Variants in GMDS observed in about 807,000 individuals in gnomAD.
GMDS encodes GDP-mannose 4,6-dehydratase.
GMDS carries 20 observed loss-of-function variants against 49.9 expected under a neutral mutation model. The ratio of observed to expected loss-of-function variants is 0.40; its 90% confidence interval spans 0.28 to 0.58. The LOEUF is 0.58. GMDS is among the 20% of genes least tolerant of loss of function. The probability of loss-of-function intolerance (pLI) is 0.42; values close to 1 mark genes in which losing one functional copy is unlikely to be tolerated. For missense variants in GMDS, 362 were observed against 481.4 expected, an observed-to-expected ratio of 0.75 and a Z score of 2.32; for synonymous variants, 177 against 178.6, an observed-to-expected ratio of 0.99 and a Z score of 0.07.
intron 7 of GMDS, among the ~76,000 whole-genome samples, chr6:1,842,223 T>G (rs1392780988): frequency 2.6e-5 from 4 of 152,248 alleles, no homozygotes; most frequent in African/African-American, 9.6e-5. Flanking sequence ...AAAAGTCTTC[T>G]GTAGTGGCTT....
chr6:1,871,914 A>C (rs759624718), intron 7 of GMDS, among the ~76,000 whole-genome samples: 6 of 152,262 alleles, frequency 3.9e-5, no homozygotes, highest in Non-Finnish European at 8.8e-5. Context: ...CAGCCAGCCC[A>C]GATGTGCTGG....
intron 1 of GMDS, among the ~76,000 whole-genome samples, chr6:2,228,238 T>C (rs1351468346): frequency 1.3e-5 from 2 of 152,160 alleles, no homozygotes; most frequent in Non-Finnish European, 2.9e-5. Context: ...TCTAAAAGGA[T>C]CCACTCACAG....
chr6:1,826,057 C>T (rs575274712), intron 7 of GMDS, among the ~76,000 whole-genome samples: 1 of 152,198 alleles, frequency 6.6e-6, no homozygotes, highest in South Asian at 2.1e-4. Context: ...TGTACAGGCA[C>T]TCACCATGAA....
rs901154852 is a variant in GMDS at position 2,191,079 on chromosome 6, A to G, written c.102+54242T>C. On this transcript the variant is annotated intron_variant, in intron 1 of 10. Coordinates refer to ENST00000380815, the MANE Select transcript of GMDS (RefSeq NM_001500.4). This position sits in a 1 kb window ranked among gnomAD's most constrained non-coding sequence, Gnocchi z 4.6. ...GGAGCAGTGCCCACTACAGGGACCC[A>G]GCCAGTGGTGCGGTCACCACGCCCA... 6.6e-6 allele frequency among the ~76,000 whole-genome samples: 1 copy of G among 152,068 alleles called. No individual in the cohort carries two copies. The highest frequency in any genetic ancestry group is 1.5e-5 in the Non-Finnish European group (1 of 67,964).
At chr6:2,203,558 T>G (rs1427868666) in intron 1 of GMDS, among the ~76,000 whole-genome samples, 1 of 152,198 alleles carries the variant, frequency 6.6e-6, no homozygotes, top group Non-Finnish European at 1.5e-5. Context: ...AATACTGGTG[T>G]GACATTTAGG....
At chr6:1,946,030 G>A (rs1763062455) in intron 6 of GMDS, among the ~76,000 whole-genome samples, 1 of 151,978 alleles carries the variant, frequency 6.6e-6, no homozygotes, top group Non-Finnish European at 1.5e-5. Flanking sequence ...TCACCCATGT[G>A]GCAAAATTTC....
At chr6:1,965,446 T>C (rs1415496129) in intron 4 of GMDS, among the ~76,000 whole-genome samples, 2 of 152,188 alleles carry the variant, frequency 1.3e-5, no homozygotes, top group Non-Finnish European at 2.9e-5. Context: ...ACAAAGTGTT[T>C]TACAATATAA....
chr6:1,733,338 G>A (rs540948249), intron 8 of GMDS, among the ~76,000 whole-genome samples: 3 of 152,348 alleles, frequency 2.0e-5, no homozygotes, highest in East Asian at 1.9e-4. Flanking sequence ...CTCAAGCAGG[G>A]CCCTGGGCAC....
At chr6:1,997,298 A>T (rs1478262642) in intron 4 of GMDS, among the ~76,000 whole-genome samples, 1 of 152,012 alleles carries the variant, frequency 6.6e-6, no homozygotes, top group Non-Finnish European at 1.5e-5. Flanking sequence ...TCACGAGGTC[A>T]GGAGACGGAA....
chr6:2,240,845 G>A (rs1013958816), intron 1 of GMDS, among the ~76,000 whole-genome samples: 3 of 152,202 alleles, frequency 2.0e-5, no homozygotes, highest in African/African-American at 2.4e-5. Flanking sequence ...GCTGTTCAAA[G>A]TGCATTACTT....
At chr6:1,955,780 GA>G (rs1031347167) in intron 6 of GMDS, among the ~76,000 whole-genome samples, 6 of 150,182 alleles carry the variant, frequency 4.0e-5, no homozygotes, top group African/African-American at 1.5e-4. Flanking sequence ...AAAAAAAAAA[GA>G]AAAAGAAAGA....
intron 9 of GMDS, among the ~76,000 whole-genome samples, chr6:1,629,331 A>T (rs1762930482): frequency 6.6e-6 from 1 of 152,140 alleles, no homozygotes; most frequent in African/African-American, 2.4e-5. Flanking sequence ...CTGTCTATCC[A>T]CACAAACTGA....
chr6:1,814,888 T>C (rs1162040347), intron 7 of GMDS, among the ~76,000 whole-genome samples: 1 of 152,148 alleles, frequency 6.6e-6, no homozygotes, highest in Non-Finnish European at 1.5e-5. Context: ...CAATTAAAAA[T>C]GATAGTAGGA....
intron 7 of GMDS, among the ~76,000 whole-genome samples, chr6:1,807,757 G>A (rs1235723265): frequency 6.6e-6 from 1 of 152,124 alleles, no homozygotes; most frequent in Non-Finnish European, 1.5e-5. Flanking sequence ...GTTAGCAGTG[G>A]ATCATAGAGG....
chr6:1,943,372 T>C (rs1416520024), intron 6 of GMDS, among the ~76,000 whole-genome samples: 5 of 152,208 alleles, frequency 3.3e-5, no homozygotes, highest in Non-Finnish European at 5.9e-5. Context: ...TACACTCCAC[T>C]GCAATCTTCA....
At chr6:1,947,233 A>G (rs952517696) in intron 6 of GMDS, among the ~76,000 whole-genome samples, 13 of 152,240 alleles carry the variant, frequency 8.5e-5, no homozygotes, top group African/African-American at 2.9e-4. Flanking sequence ...GTCGTCTGCC[A>G]GCCAGAATGG....
intron 7 of GMDS, among the ~76,000 whole-genome samples, chr6:1,837,168 C>T (rs937721000): frequency 2.6e-5 from 4 of 152,144 alleles, no homozygotes; most frequent in African/African-American, 9.7e-5. Flanking sequence ...CCAATTTGGG[C>T]TCACCACATG....
intron 1 of GMDS, among the ~76,000 whole-genome samples, chr6:2,230,946 C>A (rs1279995526): frequency 2.3e-5 from 2 of 86,712 alleles, no homozygotes; most frequent in African/African-American, 4.6e-5. Flanking sequence ...CTCCCACCCC[C>A]CCCCCCCGTT....
chr6:2,110,751 T>C (rs73416659), intron 4 of GMDS, among the ~76,000 whole-genome samples: 3,588 of 152,096 alleles, frequency 0.024, 87 homozygotes, highest in South Asian at 0.099. Context: ...ACAAATAACT[T>C]ACACAGAGAC....
Sources: gnomAD v4.1 joint callset for allele counts (sites outside exome capture counted in the v4.1 genomes callset) on GRCh38, gnomAD v4.1.1 for gene constraint, Gnocchi (gnomAD v3.1) non-coding constraint, MANE v1.5 for transcripts, NCBI Gene and HGNC (gene_info 2026-07-23, HGNC 2026-07-21) for gene names.